PCDH15: variants seen among roughly 807,000 people sequenced by gnomAD.
PCDH15 encodes the protein protocadherin-15.
A neutral mutation model predicts 178.5 loss-of-function variants in PCDH15; 129 were observed. The observed-to-expected ratio is 0.72, with a 90% CI of 0.63 to 0.84. The LOEUF (loss-of-function observed/expected upper bound fraction) is 0.84, where lower values mean the gene tolerates loss of function less well. Among genes scored for constraint, PCDH15 ranks in the 40% least tolerant of loss-of-function variants. The probability of loss-of-function intolerance (pLI) is 0.00; values close to 1 mark genes in which losing one functional copy is unlikely to be tolerated. For synonymous variants in PCDH15, 800 were observed against 732.0 expected (o/e 1.09, Z -1.50); for missense variants, 2,230 against 2,099.9 (o/e 1.06, Z -1.21).
chr10:54,443,699 A>G (rs1263884205), intron 3 of PCDH15, among the ~76,000 whole-genome samples: 1 of 151,510 alleles, frequency 6.6e-6, no homozygotes, highest in Non-Finnish European at 1.5e-5. Context: ...ATCTATTGTT[A>G]TTGGGTTTAT....
At chr10:53,980,008 CAA>C (rs1229897568) in intron 21 of PCDH15, among the ~76,000 whole-genome samples, 2 of 152,106 alleles carry the variant, frequency 1.3e-5, no homozygotes, top group African/African-American at 4.8e-5. Flanking sequence ...CACCTGAGGT[CAA>C]GAGTTCGTGA....
intron 8 of PCDH15, among the ~76,000 whole-genome samples, chr10:54,299,718 G>C (rs1170428839): frequency 6.6e-6 from 1 of 152,180 alleles, no homozygotes; most frequent in Non-Finnish European, 1.5e-5. Context: ...AAGACACAAT[G>C]GGTGTTCAGC....
At chr10:55,092,224 C>T (rs1842335987) in intron 2 of PCDH15, among the ~76,000 whole-genome samples, 1 of 151,828 alleles carries the variant, frequency 6.6e-6, no homozygotes, top group Non-Finnish European at 1.5e-5. Flanking sequence ...ATAACCTTCC[C>T]TCTATATAAA....
intron 2 of PCDH15, among the ~76,000 whole-genome samples, chr10:55,021,776 A>G (rs1840335067): frequency 6.6e-6 from 1 of 152,226 alleles, no homozygotes; most frequent in Admixed American, 6.5e-5. Flanking sequence ...AATTAAGAAC[A>G]TACCGTCACT....
At chr10:54,935,536 T>G (rs1837882359) in intron 2 of PCDH15, among the ~76,000 whole-genome samples, 1 of 152,154 alleles carries the variant, frequency 6.6e-6, no homozygotes, top group East Asian at 1.9e-4. Flanking sequence ...GTCACTATAG[T>G]GTGCACCTCT....
At chr10:55,217,033 T>C (rs1174933027) in intron 1 of PCDH15, among the ~76,000 whole-genome samples, 1 of 151,910 alleles carries the variant, frequency 6.6e-6, no homozygotes, top group Non-Finnish European at 1.5e-5. Flanking sequence ...TATAATATGA[T>C]TGGAACATAC....
Position 54,144,710 on chromosome 10 carries a change from G to C in PCDH15, c.1784+8390C>G, listed in dbSNP as rs1002180632. Among the ~76,000 whole-genome samples, 3 of 152,124 alleles carry C rather than the reference G, an allele frequency of 2.0e-5. No homozygotes were observed. In the East Asian group the frequency reaches 5.8e-4, roughly 29 times the overall value. ...CATGGTTAGCAGCAGGACCTAGACC[G>C]AAACCTTGGTGTTTTCGTAATAATC... is the stretch of plus-strand genomic sequence containing the variant. On this transcript the variant is annotated intron_variant, in intron 14 of 37. Transcript: ENST00000644397.
chr10:54,545,628 T>A (rs2085759968), intron 2 of PCDH15, among the ~76,000 whole-genome samples: 1 of 152,110 alleles, frequency 6.6e-6, no homozygotes, highest in Admixed American at 6.5e-5. Flanking sequence ...CAAGAACTTT[T>A]AAAAACTGTC....
At chr10:55,426,251 G>C (rs1021247139) in intron 2 of PCDH15, among the ~76,000 whole-genome samples, 1 of 152,124 alleles carries the variant, frequency 6.6e-6, no homozygotes, top group African/African-American at 2.4e-5. Flanking sequence ...GGTAGTGCCG[G>C]GTTTACTCAG....
intron 3 of PCDH15, among the ~76,000 whole-genome samples, chr10:54,875,303 T>C (rs1954120151): frequency 6.6e-6 from 1 of 152,174 alleles, no homozygotes; most frequent in South Asian, 2.1e-4. Context: ...ATATTGTGTA[T>C]GTTCTCACTG....
intron 2 of PCDH15, among the ~76,000 whole-genome samples, chr10:54,633,863 G>A (rs911783596): frequency 6.6e-6 from 1 of 152,062 alleles, no homozygotes; most frequent in Non-Finnish European, 1.5e-5. Flanking sequence ...CATAAGAAGA[G>A]TTTAGGCACA....
intron 2 of PCDH15, among the ~76,000 whole-genome samples, chr10:54,921,649 T>C (rs1266808633): frequency 2.6e-5 from 4 of 152,214 alleles, no homozygotes; most frequent in Non-Finnish European, 4.4e-5. Flanking sequence ...CATGTTCTGA[T>C]AAAAGACTTG....
intron 3 of PCDH15, among the ~76,000 whole-genome samples, chr10:54,875,577 C>G (rs1177538659): frequency 6.6e-6 from 1 of 152,088 alleles, no homozygotes; most frequent in Non-Finnish European, 1.5e-5. Context: ...AAGTGTTACT[C>G]TAGTAAACAC....
chr10:54,293,852 A>T (rs767145168), intron 8 of PCDH15, among the ~76,000 whole-genome samples: 4 of 152,160 alleles, frequency 2.6e-5, no homozygotes, highest in Non-Finnish European at 4.4e-5. Flanking sequence ...AAATAGGCAC[A>T]CTTTTACACT....
chr10:55,007,264 C>T (rs559344447), intron 2 of PCDH15, among the ~76,000 whole-genome samples: 2 of 152,278 alleles, frequency 1.3e-5, no homozygotes, highest in East Asian at 3.9e-4. Context: ...ATACTAAAAC[C>T]AATTTGTGAA....
At chr10:55,520,398 T>C (rs1475581558) in intron 2 of PCDH15, among the ~76,000 whole-genome samples, 1 of 144,770 alleles carries the variant, frequency 6.9e-6, no homozygotes, top group Non-Finnish European at 1.5e-5. Context: ...ACAAGTACTG[T>C]AACTACTATT....
intron 7 of PCDH15, among the ~76,000 whole-genome samples, chr10:54,317,923 C>T (rs931749443): frequency 3.9e-5 from 6 of 152,116 alleles, no homozygotes; most frequent in African/African-American, 1.4e-4. Flanking sequence ...AAGCAACTTT[C>T]TTGAAAGTAT....
At chr10:54,219,960 C>T (rs1257408603) in intron 9 of PCDH15, among the ~76,000 whole-genome samples, 1 of 152,030 alleles carries the variant, frequency 6.6e-6, no homozygotes, top group Non-Finnish European at 1.5e-5. Flanking sequence ...GCCAAGTCTT[C>T]ATAATTCTTG....
intron 26 of PCDH15, among the ~76,000 whole-genome samples, chr10:53,902,571 T>G: frequency 6.6e-6 from 1 of 152,276 alleles, no homozygotes; most frequent in Middle Eastern, 3.4e-3. Flanking sequence ...AAATTTTTTC[T>G]TAGTAATAAA....
Sources: gnomAD v4.1 joint callset for allele counts (sites outside exome capture counted in the v4.1 genomes callset) on GRCh38, gnomAD v4.1.1 for gene constraint, MANE v1.5 for transcripts, NCBI Gene and HGNC (gene_info 2026-07-23, HGNC 2026-07-21) for gene names.